CATSPERB: variants seen among roughly 807,000 people sequenced by gnomAD.
CATSPERB encodes the protein cation channel sperm-associated auxiliary subunit beta.
Under a neutral mutation model 128.3 loss-of-function variants are expected in CATSPERB, and 93 were observed. That is an observed-to-expected ratio of 0.72 (90% CI 0.61 to 0.86). CATSPERB has a LOEUF of 0.86. Among genes scored for constraint, CATSPERB ranks in the 40% least tolerant of loss-of-function variants. CATSPERB has a pLI of 0.00. For missense variants in CATSPERB, 1,153 were observed against 1,329.5 expected (o/e 0.87, Z 2.06); for synonymous variants, 381 against 448.8 (o/e 0.85, Z 1.91).
intron 11 of CATSPERB, among the ~76,000 whole-genome samples, chr14:91,675,947 T>C (rs1895185909): frequency 6.6e-6 from 1 of 152,180 alleles, no homozygotes; most frequent in African/African-American, 2.4e-5. Context: ...GTTTTCAATG[T>C]TATTTGTCGG....
chr14:91,660,178 C>T (rs1473968045), intron 14 of CATSPERB, among the ~76,000 whole-genome samples, 197 bp from the exon 15 acceptor site: 1 of 151,774 alleles, frequency 6.6e-6, no homozygotes, highest in Non-Finnish European at 1.5e-5. Flanking sequence ...CTTTGTCTAC[C>T]TTCTATTTCC....
At chr14:91,640,825 C>G (rs1331304080) in intron 15 of CATSPERB, among the ~76,000 whole-genome samples, 1 of 139,554 alleles carries the variant, frequency 7.2e-6, no homozygotes, top group Non-Finnish European at 1.6e-5. Context: ...GCCACACTGA[C>G]TTCCACAATG....
chr14:91,704,722 TGTTTAAATTGTGGGA>T (rs1450162447), intron 6 of CATSPERB, 21 bp from the exon 7 acceptor site: 1 of 1,604,648 alleles, frequency 6.2e-7, no homozygotes, highest in Non-Finnish European at 8.5e-7. Flanking sequence ...CAAATTTGGG[TGTTTAAATTGTGGGA>T]GCACCCTTGA....
At chr14:91,689,340 A>T (rs1011674114) in intron 10 of CATSPERB, among the ~76,000 whole-genome samples, 1 of 152,166 alleles carries the variant, frequency 6.6e-6, no homozygotes, top group Non-Finnish European at 1.5e-5. Flanking sequence ...TGAGTGAGGT[A>T]ACGACATGCC....
intron 15 of CATSPERB, among the ~76,000 whole-genome samples, chr14:91,657,366 A>G (rs1894805422): frequency 6.7e-6 from 1 of 150,140 alleles, no homozygotes; most frequent in Non-Finnish European, 1.5e-5. Flanking sequence ...TCAAAACAAA[A>G]TGGATTAAAG....
chr14:91,652,903 C>T (rs552285537), intron 15 of CATSPERB, among the ~76,000 whole-genome samples: 11 of 152,094 alleles, frequency 7.2e-5, no homozygotes, highest in African/African-American at 2.7e-4. Context: ...TTGATACTGA[C>T]ATAAGTTAAA....
At chr14:91,615,307 T>C (rs1026530594) in intron 20 of CATSPERB, among the ~76,000 whole-genome samples, 22 of 152,174 alleles carry the variant, frequency 1.4e-4, no homozygotes, top group Admixed American at 1.4e-3. Flanking sequence ...ACATTCCTTA[T>C]GAGAATCTAA....
At chr14:91,677,608 TG>T (rs1476382802) in intron 11 of CATSPERB, among the ~76,000 whole-genome samples, 1 of 152,212 alleles carries the variant, frequency 6.6e-6, no homozygotes, top group Non-Finnish European at 1.5e-5. Flanking sequence ...ACACTGTTGG[TG>T]GGAATGTAAA....
chr14:91,626,447 C>G (rs776769315), intron 17 of CATSPERB, among the ~76,000 whole-genome samples: 16 of 146,744 alleles, frequency 1.1e-4, no homozygotes, highest in Non-Finnish European at 2.2e-4. Flanking sequence ...TCACTGCAAC[C>G]TGAGAGGTGG....
chr14:91,592,053 T>G, intron 22 of CATSPERB, 51 bp from the exon 23 acceptor site: 1 of 1,076,718 alleles, frequency 9.3e-7, no homozygotes, highest in South Asian at 1.3e-5. Context: ...TTGCGGGATT[T>G]CTGCAAACTG....
chr14:91,662,703 A>C (rs747539848), intron 14 of CATSPERB, among the ~76,000 whole-genome samples: 10 of 152,208 alleles, frequency 6.6e-5, no homozygotes, highest in Non-Finnish European at 1.5e-5. Context: ...CTACACTTTC[A>C]ACATTTTGTA....
At chr14:91,661,085 T>C (rs1377574999) in intron 14 of CATSPERB, among the ~76,000 whole-genome samples, 1 of 152,160 alleles carries the variant, frequency 6.6e-6, no homozygotes, top group Non-Finnish European at 1.5e-5. Flanking sequence ...ACACAATCCA[T>C]GATCCAAAGC....
chr14:91,633,855 AAGAG>A (rs971135090), intron 17 of CATSPERB, among the ~76,000 whole-genome samples: 2 of 152,000 alleles, frequency 1.3e-5, no homozygotes, highest in South Asian at 2.1e-4. Flanking sequence ...GAAAAAGAAA[AAGAG>A]AGAGAGAGTG....
intron 20 of CATSPERB, 108 bp downstream of exon 20, chr14:91,617,489 A>G: frequency 1.3e-6 from 1 of 743,012 alleles, no homozygotes. Flanking sequence ...TTATGTGTGT[A>G]TTTATAAACA....
At chr14:91,599,444 A>T (rs1893569930) in intron 22 of CATSPERB, among the ~76,000 whole-genome samples, 1 of 151,442 alleles carries the variant, frequency 6.6e-6, no homozygotes, top group African/African-American at 2.4e-5. Flanking sequence ...CTGTAGTCCC[A>T]GCTACTTGGG....
At chr14:91,696,895 T>A (rs1566734224) in intron 7 of CATSPERB, among the ~76,000 whole-genome samples, 1 of 152,348 alleles carries the variant, frequency 6.6e-6, no homozygotes, top group South Asian at 2.1e-4. Flanking sequence ...GCAGGTATGA[T>A]GGCAGATTTC....
chr14:91,609,543 C>G (rs1217987754), intron 21 of CATSPERB, among the ~76,000 whole-genome samples: 1 of 152,120 alleles, frequency 6.6e-6, no homozygotes, highest in East Asian at 1.9e-4. Flanking sequence ...TTTACATTTG[C>G]TTACATTTCT....
intron 1 of CATSPERB, among the ~76,000 whole-genome samples, chr14:91,731,693 A>C (rs1389097534): frequency 6.6e-6 from 1 of 152,118 alleles, no homozygotes; most frequent in East Asian, 1.9e-4. Context: ...AATTACCCCC[A>C]GTTATCATTC....
At chr14:91,608,088 G>A (rs1743160) in intron 22 of CATSPERB, among the ~76,000 whole-genome samples, 100,917 of 151,916 alleles carry the variant, frequency 0.66, 34,335 homozygotes, top group Admixed American at 0.76. Context: ...GGGGGAAAGC[G>A]TCCATTTGGA....
Sources: gnomAD v4.1 joint callset for allele counts (sites outside exome capture counted in the v4.1 genomes callset) on GRCh38, gnomAD v4.1.1 for gene constraint, MANE v1.5 for transcripts, NCBI Gene and HGNC (gene_info 2026-07-23, HGNC 2026-07-21) for gene names.